RALYL: variants seen among roughly 807,000 people sequenced by gnomAD.
The protein encoded by RALYL is RNA-binding Raly-like protein.
RALYL carries 29 observed loss-of-function variants against 35.1 expected under a neutral mutation model. The observed-to-expected ratio is 0.83, with a 90% CI of 0.61 to 1.13. The LOEUF is 1.13. Ranked by LOEUF, RALYL falls within the 50% of genes most tolerant of loss-of-function variation. The probability of loss-of-function intolerance (pLI) is 0.00; values close to 1 mark genes in which losing one functional copy is unlikely to be tolerated. For missense variants in RALYL, 359 were observed against 360.4 expected (o/e 1.00, Z 0.03); for synonymous variants, 120 against 127.6 (o/e 0.94, Z 0.40).
At chr8:84,211,398 A>G (rs980924877) in intron 1 of RALYL, among the ~76,000 whole-genome samples, 3 of 152,086 alleles carry the variant, frequency 2.0e-5, no homozygotes, top group Admixed American at 6.6e-5. Context: ...AGAATGGTCT[A>G]TTGAATGTTT....
rs190954356 is a variant in RALYL at position 84,799,708 on chromosome 8, G to A, written c.333-5062G>A. Among the ~76,000 whole-genome samples the A allele has an allele frequency of 5.6e-3, 849 of 152,350 alleles. 8 individuals are homozygous for A. The highest frequency in any genetic ancestry group is 0.019 in the African/African-American group (782 of 41,582). ...GCGCTGGCTCACGCCTGTAATCCCA[G>A]CACTTTGGGAGGCCGAGGCAGGCGG... On this transcript the variant is annotated intron_variant, in intron 3 of 8. Transcript: ENST00000521268.
intron 3 of RALYL, among the ~76,000 whole-genome samples, chr8:84,775,027 G>T (rs1252670289): frequency 6.6e-6 from 1 of 152,110 alleles, no homozygotes; most frequent in Admixed American, 6.6e-5. Context: ...TCAGCTCATT[G>T]CAACTTCTGC....
intron 1 of RALYL, among the ~76,000 whole-genome samples, chr8:84,267,207 A>G (rs1234905023): frequency 6.6e-6 from 1 of 152,148 alleles, no homozygotes; most frequent in Non-Finnish European, 1.5e-5. Flanking sequence ...AATAAGAAAG[A>G]AAAATTATTT....
chr8:84,759,361 C>T (rs1233904711), intron 2 of RALYL, among the ~76,000 whole-genome samples: 1 of 152,094 alleles, frequency 6.6e-6, no homozygotes, highest in Non-Finnish European at 1.5e-5. Flanking sequence ...CTAGAATCAT[C>T]CTCCTGCCCA....
intron 4 of RALYL, among the ~76,000 whole-genome samples, chr8:84,814,573 T>G (rs1402728951): frequency 6.6e-6 from 1 of 152,170 alleles, no homozygotes; most frequent in African/African-American, 2.4e-5. Flanking sequence ...GCTGTACTAA[T>G]TTTGAAATAA....
chr8:84,636,816 A>G (rs1247005374), intron 2 of RALYL, among the ~76,000 whole-genome samples: 5 of 152,058 alleles, frequency 3.3e-5, no homozygotes, highest in East Asian at 1.9e-4. Context: ...GAGGGAAACC[A>G]TATACCAGCA....
At chr8:84,431,717 A>G (rs1017613125) in intron 1 of RALYL, among the ~76,000 whole-genome samples, 1 of 152,128 alleles carries the variant, frequency 6.6e-6, no homozygotes, top group African/African-American at 2.4e-5. Flanking sequence ...TGGTGAGGCA[A>G]ATGGCAGGAT....
At chr8:84,571,241 C>A (rs916074091) in intron 2 of RALYL, among the ~76,000 whole-genome samples, 1 of 151,700 alleles carries the variant, frequency 6.6e-6, no homozygotes, top group Non-Finnish European at 1.5e-5. Context: ...CCATCTGGTC[C>A]TGGGATTCCT....
At chr8:84,237,551 C>T (rs368310896) in intron 1 of RALYL, among the ~76,000 whole-genome samples, 6 of 151,598 alleles carry the variant, frequency 4.0e-5, no homozygotes, top group African/African-American at 9.7e-5. Context: ...TTTATTACAC[C>T]GAAAAAACAA....
intron 2 of RALYL, among the ~76,000 whole-genome samples, chr8:84,742,035 T>C (rs1362514723): frequency 6.6e-6 from 1 of 151,882 alleles, no homozygotes; most frequent in East Asian, 1.9e-4. Flanking sequence ...GGTGAAAAGA[T>C]ACAAAAGAAA....
At chr8:84,497,549 A>T (rs1336249747) in intron 1 of RALYL, among the ~76,000 whole-genome samples, 4 of 152,096 alleles carry the variant, frequency 2.6e-5, no homozygotes, top group Admixed American at 2.6e-4. Flanking sequence ...GTATCATATA[A>T]GTTATTAACA....
intron 1 of RALYL, among the ~76,000 whole-genome samples, chr8:84,383,258 T>C (rs762307800): frequency 2.0e-5 from 3 of 151,798 alleles, no homozygotes; most frequent in Admixed American, 6.6e-5. Context: ...CTATTAATAC[T>C]ACTTGAATAT....
At chr8:84,510,029 TG>T (rs983182713) in intron 1 of RALYL, among the ~76,000 whole-genome samples, 5 of 152,214 alleles carry the variant, frequency 3.3e-5, no homozygotes, top group African/African-American at 9.6e-5. Flanking sequence ...ATCATTTTGT[TG>T]ATATCCACAA....
intron 1 of RALYL, among the ~76,000 whole-genome samples, chr8:84,250,909 A>T (rs1284225149): frequency 6.6e-6 from 1 of 152,164 alleles, no homozygotes; most frequent in Non-Finnish European, 1.5e-5. Context: ...CTTTGGAACC[A>T]TATCTCCTGG....
chr8:84,859,454 T>C (rs1253636482), intron 5 of RALYL, among the ~76,000 whole-genome samples: 1 of 152,124 alleles, frequency 6.6e-6, no homozygotes, highest in Non-Finnish European at 1.5e-5. Context: ...CCAATTTTGT[T>C]TTGTGAATGA....
At chr8:84,287,946 T>C (rs1459884319) in intron 1 of RALYL, among the ~76,000 whole-genome samples, 3 of 152,164 alleles carry the variant, frequency 2.0e-5, no homozygotes, top group Non-Finnish European at 4.4e-5. Context: ...GATCAAAGCA[T>C]GTTACTATCA....
chr8:84,446,959 G>A (rs902309889), intron 1 of RALYL, among the ~76,000 whole-genome samples: 4 of 151,960 alleles, frequency 2.6e-5, no homozygotes, highest in Admixed American at 6.6e-5. Flanking sequence ...TAATTCACAC[G>A]CTACCGAGCA....
At chr8:84,450,068 T>C (rs1279322536) in intron 1 of RALYL, among the ~76,000 whole-genome samples, 1 of 151,798 alleles carries the variant, frequency 6.6e-6, no homozygotes, top group Non-Finnish European at 1.5e-5. Context: ...AAAATATATA[T>C]GAAAAGTTCT....
chr8:84,825,065 C>A (rs10111170), intron 4 of RALYL, among the ~76,000 whole-genome samples: 29,198 of 151,906 alleles, frequency 0.19, 3,469 homozygotes, highest in African/African-American at 0.32. Context: ...AAACAGACAA[C>A]GTACAGAATG....
Sources: gnomAD v4.1 joint callset for allele counts (sites outside exome capture counted in the v4.1 genomes callset) on GRCh38, gnomAD v4.1.1 for gene constraint, MANE v1.5 for transcripts, NCBI Gene and HGNC (gene_info 2026-07-23, HGNC 2026-07-21) for gene names.